The following TACR3 variants were observed in gnomAD, a reference collection of about 807,000 sequenced individuals.
TACR3 encodes the protein neuromedin-K receptor.
A neutral mutation model predicts 35.0 loss-of-function variants in TACR3; 34 were observed. The observed-to-expected ratio is 0.97, with a 90% CI of 0.74 to 1.30. TACR3 has a LOEUF of 1.30. TACR3 is among the 50% of genes most tolerant of loss of function. The pLI is 0.00. For synonymous variants in TACR3, 233 were observed against 221.1 expected (o/e 1.05, Z -0.48); for missense variants, 558 against 591.7 (o/e 0.94, Z 0.59).
At chr4:103,650,077 T>C (rs1309558626) in intron 3 of TACR3, among the ~76,000 whole-genome samples, 1 of 152,106 alleles carries the variant, frequency 6.6e-6, no homozygotes, top group East Asian at 1.9e-4. Context: ...AGGCTGTGGT[T>C]CTTGCAGACT....
intron 1 of TACR3, among the ~76,000 whole-genome samples, chr4:103,716,917 G>A (rs1159494455): frequency 6.6e-6 from 1 of 152,152 alleles, no homozygotes; most frequent in Non-Finnish European, 1.5e-5. Flanking sequence ...GAGTCAGTAA[G>A]TCCATGCAGA....
At chr4:103,653,758 G>A (rs1725672263) in intron 3 of TACR3, among the ~76,000 whole-genome samples, 7 of 151,822 alleles carry the variant, frequency 4.6e-5, no homozygotes, top group Admixed American at 4.6e-4. Flanking sequence ...GAGTGAACAG[G>A]CAACCCACAA....
chr4:103,590,618 T>A (rs1419642784), intron 4 of TACR3, among the ~76,000 whole-genome samples: 2 of 151,974 alleles, frequency 1.3e-5, no homozygotes, highest in East Asian at 3.9e-4. Context: ...GTTAATTAAG[T>A]ATTTAACAAA....
chr4:103,702,034 G>C (rs1014995811), intron 1 of TACR3, among the ~76,000 whole-genome samples: 6 of 152,142 alleles, frequency 3.9e-5, no homozygotes, highest in African/African-American at 9.7e-5. Context: ...GGCAACAAAA[G>C]CCAAAATTGA....
intron 4 of TACR3, 58 bp downstream of exon 4, chr4:103,591,429 A>T: frequency 6.3e-7 from 1 of 1,585,124 alleles, no homozygotes. Flanking sequence ...ACAACATTGT[A>T]TGTTTCCAGT....
intron 3 of TACR3, among the ~76,000 whole-genome samples, chr4:103,599,380 C>A (rs7683376): frequency 0.51 from 77,542 of 151,922 alleles, 23,121 homozygotes; most frequent in Non-Finnish European, 0.64. Flanking sequence ...TTTCTAGATA[C>A]ACAATCATGT....
chr4:103,680,502 C>T (rs1240128866), intron 1 of TACR3, among the ~76,000 whole-genome samples: 1 of 147,494 alleles, frequency 6.8e-6, no homozygotes, highest in Non-Finnish European at 1.5e-5. Context: ...CATACACACA[C>T]ACACACACAC....
intron 1 of TACR3, among the ~76,000 whole-genome samples, chr4:103,700,223 C>T (rs529709513): frequency 5.9e-5 from 9 of 152,006 alleles, no homozygotes; most frequent in Admixed American, 2.6e-4. Context: ...GTAGTATCAT[C>T]GAATATTACT....
At chr4:103,651,290 G>A (rs1578243542) in intron 3 of TACR3, among the ~76,000 whole-genome samples, 1 of 151,586 alleles carries the variant, frequency 6.6e-6, no homozygotes, top group Non-Finnish European at 1.5e-5. Flanking sequence ...GGCTGAGCTG[G>A]CATTCAAACC....
intron 3 of TACR3, among the ~76,000 whole-genome samples, chr4:103,629,292 C>A (rs1342294066): frequency 1.3e-5 from 2 of 151,940 alleles, no homozygotes; most frequent in Admixed American, 1.3e-4. Context: ...CTGGACAGGG[C>A]AATCAGGCAG....
intron 3 of TACR3, among the ~76,000 whole-genome samples, chr4:103,627,759 T>C (rs1724938431): frequency 6.6e-6 from 1 of 152,050 alleles, no homozygotes; most frequent in Non-Finnish European, 1.5e-5. Context: ...AACAAGGATA[T>C]CCAGGACTTG....
chr4:103,701,914 G>C (rs1722659902), intron 1 of TACR3, among the ~76,000 whole-genome samples: 1 of 152,144 alleles, frequency 6.6e-6, no homozygotes. Flanking sequence ...ATGGATTAAA[G>C]ACTTAAATGT....
chr4:103,709,896 T>A (rs1722901164), intron 1 of TACR3, among the ~76,000 whole-genome samples: 1 of 151,842 alleles, frequency 6.6e-6, no homozygotes, highest in Non-Finnish European at 1.5e-5. Flanking sequence ...CCAACAAAGA[T>A]CAAAAGTGAC....
At chr4:103,687,593 T>C (rs1348815545) in intron 1 of TACR3, among the ~76,000 whole-genome samples, 2 of 152,026 alleles carry the variant, frequency 1.3e-5, no homozygotes, top group African/African-American at 2.4e-5. Flanking sequence ...AGCATTCTTA[T>C]ACACCAATAA....
rs1267245429 is a variant in TACR3, at chr4:103,586,214, T to C, written c.*3468A>G. On this transcript the variant is annotated 3_prime_UTR_variant, in exon 5 of 5. Transcript: ENST00000304883. ...ACTTCTTATATAAACAGATTTTTCA[T>C]ATATATATATATATGTATGAAAACA... 1 of 150,256 alleles carries C rather than the reference T, an allele frequency of 6.7e-6. No homozygotes were observed. The highest frequency in any genetic ancestry group is 1.5e-5 in the Non-Finnish European group (1 of 67,478). The allele number at this position is 150,256 out of a possible 1,614,324, so 9.3% of individuals were successfully genotyped here.
At chr4:103,624,774 A>G (rs1275017331) in intron 3 of TACR3, among the ~76,000 whole-genome samples, 4 of 152,148 alleles carry the variant, frequency 2.6e-5, no homozygotes, top group Non-Finnish European at 2.9e-5. Flanking sequence ...CTTGAAGGAG[A>G]GTGAAATGTG....
intron 3 of TACR3, among the ~76,000 whole-genome samples, chr4:103,592,375 A>G (rs1216322514): frequency 6.6e-6 from 1 of 152,176 alleles, no homozygotes. Flanking sequence ...AGCATAAGCC[A>G]TTTCCTTTGA....
At chr4:103,640,026 G>T (rs1350316903) in intron 3 of TACR3, among the ~76,000 whole-genome samples, 1 of 151,952 alleles carries the variant, frequency 6.6e-6, no homozygotes, top group African/African-American at 2.4e-5. Flanking sequence ...GATTGGATTT[G>T]CATATTTATG....
chr4:103,656,341 G>A lies in TACR3; in HGVS notation c.741C>T (p.Tyr247=), dbSNP rs373945923. The change falls in exon 3 of 5, where the codon TAC becomes TAT. Residue 247 remains tyrosine, a synonymous_variant. Coordinates refer to ENST00000304883, the MANE Select transcript of TACR3 (RefSeq NM_001059.3). ...ACACCAGTATAATGACGATAATATG[G>A]TAACTATGAAAAATAAGAAAAACAC... The part of the protein sequence containing the change: ...WPEGPKQHFT[Y]HIIVIILVYC... 50 of 1,611,944 alleles carry A rather than the reference G, an allele frequency of 3.1e-5. No individual in the cohort carries two copies. The highest frequency in any genetic ancestry group is 4.0e-5 in the Non-Finnish European group (47 of 1,178,690).
Sources: gnomAD v4.1 joint callset for allele counts (sites outside exome capture counted in the v4.1 genomes callset) on GRCh38, gnomAD v4.1.1 for gene constraint, MANE v1.5 for transcripts, NCBI Gene and HGNC (gene_info 2026-07-23, HGNC 2026-07-21) for gene names.